SPOCK2: variants seen among roughly 807,000 people sequenced by gnomAD.
The protein encoded by SPOCK2 is SPARC (osteonectin), cwcv and kazal like domains proteoglycan 2, also known as testican-2.
In SPOCK2, 39 loss-of-function variants were observed where a neutral mutation model predicts 60.1. The ratio of observed to expected loss-of-function variants is 0.65; its 90% confidence interval spans 0.50 to 0.85. The LOEUF (loss-of-function observed/expected upper bound fraction) is 0.85. Ranked by LOEUF, SPOCK2 falls within the 40% of genes least tolerant of loss-of-function variation. The probability of loss-of-function intolerance (pLI) is 0.00; values close to 1 mark genes in which losing one functional copy is unlikely to be tolerated. For synonymous variants in SPOCK2, 217 were observed against 231.5 expected (o/e 0.94, Z 0.57); for missense variants, 523 against 567.4 (o/e 0.92, Z 0.80).
intron 1 of SPOCK2, among the ~76,000 whole-genome samples, chr10:72,083,459 G>A (rs1166308587): frequency 1.3e-5 from 2 of 152,248 alleles, no homozygotes; most frequent in African/African-American, 2.4e-5. Flanking sequence ...CTGGGAAGAT[G>A]AGCAGAGCAC....
intron 1 of SPOCK2, among the ~76,000 whole-genome samples, chr10:72,073,620 G>C (rs904250087): frequency 6.6e-6 from 1 of 152,218 alleles, no homozygotes; most frequent in Non-Finnish European, 1.5e-5. Context: ...ACCTGACCCA[G>C]GTCCTCCCGT....
chr10:72,084,204 G>A (rs75386229), intron 1 of SPOCK2, among the ~76,000 whole-genome samples: 3,245 of 152,330 alleles, frequency 0.021, 150 homozygotes, highest in African/African-American at 0.075. Flanking sequence ...TAGAAATGAG[G>A]ACCCATCTGG....
At chr10:72,066,680 G>T (rs76448813) in intron 8 of SPOCK2, among the ~76,000 whole-genome samples, 1 of 152,032 alleles carries the variant, frequency 6.6e-6, no homozygotes, top group Non-Finnish European at 1.5e-5. Flanking sequence ...ACAAAATCTG[G>T]ATCCGCCTGG....
At chr10:72,072,280 A>G in intron 3 of SPOCK2, 22 bp from the exon 4 acceptor site, 1 of 1,501,360 alleles carries the variant, frequency 6.7e-7, no homozygotes, top group Non-Finnish European at 8.9e-7. Context: ...CAGAGTCAGG[A>G]CACAGGTCAC....
intron 8 of SPOCK2, among the ~76,000 whole-genome samples, chr10:72,066,245 T>A (rs1840566088): frequency 6.6e-6 from 1 of 152,116 alleles, no homozygotes; most frequent in African/African-American, 2.4e-5. Context: ...AGCAAATGCA[T>A]CTTCACCTCT....
In SPOCK2 at chr10:72,060,764, TGCGG is replaced by T. The variant is rs771472171; in HGVS notation, c.*1992_*1995del. 15 of 152,588 alleles carry T rather than the reference TGCGG, an allele frequency of 9.8e-5. No individual in the cohort carries two copies. Among genetic ancestry groups the T allele is most frequent in the Non-Finnish European group, 2.1e-4 (14 of 68,102 alleles). 9.5% of individuals were successfully genotyped at this position (152,588 alleles called of 1,614,324 possible). ...GACACCTCAACAATCAGAACTGGGC[TGCGG>T]AATGGGAAGCAGTTTATGGAGTTAA... On this transcript the variant is annotated 3_prime_UTR_variant, in exon 11 of 11. Coordinates refer to ENST00000373109, the MANE Select transcript of SPOCK2 (RefSeq NM_001244950.2).
At chr10:72,066,878 G>A (rs761697259) in intron 8 of SPOCK2, 24 bp downstream of exon 8, 4 of 1,613,314 alleles carry the variant, frequency 2.5e-6, no homozygotes, top group South Asian at 2.2e-5. Flanking sequence ...TGAGGCAGGG[G>A]CCTGGGAGGG....
At chr10:72,072,679 C>A in intron 2 of SPOCK2, 131 bp from the exon 3 acceptor site, 1 of 1,411,996 alleles carries the variant, frequency 7.1e-7, no homozygotes, top group South Asian at 1.2e-5. Context: ...GGTGGCTGAC[C>A]CCTGTCCACC....
Position 72,088,226 on chromosome 10 carries a change from G to C in SPOCK2, c.103C>G (p.Pro35Ala), listed in dbSNP as rs138553482. The change falls in exon 1 of 11, where the codon CCC (proline) becomes GCC (alanine). Residue 35 changes from proline to alanine, a missense_variant. By Grantham distance (27) the Pro-to-Ala change is conservative. Coordinates refer to ENST00000373109, the MANE Select transcript of SPOCK2 (RefSeq NM_001244950.2). The part of the protein sequence containing the change: ...DAKGLKEGET[P>A]GNFMEDEQWL... ...TGCTCGTCCTCCATGAAATTGCCGGGGGTCTCGCCCTCCTTGAGCCCCTTG... is the reference window on the plus strand; with the variant it reads ...TGCTCGTCCTCCATGAAATTGCCGGCGGTCTCGCCCTCCTTGAGCCCCTTG... 1.9e-6 allele frequency: 3 copies of C among 1,612,358 alleles called. No homozygotes were observed. The African/African-American group carries it at 4.0e-5, about 22-fold the overall frequency.
At chr10:72,065,677 A>G (rs1285927264) in intron 8 of SPOCK2, among the ~76,000 whole-genome samples, 2 of 152,242 alleles carry the variant, frequency 1.3e-5, no homozygotes, top group Non-Finnish European at 2.9e-5. Flanking sequence ...CTCCTGCCCA[A>G]GAAAGTACAG....
In SPOCK2 at chr10:72,063,062, C is replaced by T. The variant is rs368125228; in HGVS notation, c.1092G>A (p.Glu364=). The T allele has an allele frequency of 1.0e-3, 1,568 of 1,553,700 alleles. 19 individuals carry two copies. The Middle Eastern group carries it at 0.018, about 17-fold the overall frequency. The change falls in exon 10 of 11, where the codon GAG becomes GAA. Residue 364 remains glutamate, a synonymous_variant. Coordinates refer to ENST00000373109, the MANE Select transcript of SPOCK2 (RefSeq NM_001244950.2). Reference sequence around the variant, plus strand: ...TCCCATGCGTGCGCGTGCCAGTCAGCTCCAGGCCCAGCTGGTCCACACACC... The same window carrying T: ...TCCCATGCGTGCGCGTGCCAGTCAGTTCCAGGCCCAGCTGGTCCACACACC... ...DCWCVDQLGL[E]LTGTRTHGSP...
At chr10:72,080,181 A>C (rs1422403018) in intron 1 of SPOCK2, among the ~76,000 whole-genome samples, 1 of 152,206 alleles carries the variant, frequency 6.6e-6, no homozygotes, top group African/African-American at 2.4e-5. Context: ...ACACAGCCAG[A>C]GGCACAGCGA....
intron 3 of SPOCK2, 32 bp downstream of exon 3, chr10:72,072,471 G>A (rs767567674): frequency 6.2e-7 from 1 of 1,613,636 alleles, no homozygotes; most frequent in Non-Finnish European, 8.5e-7. Context: ...ACACGTGTCA[G>A]TCACCTTCCC....
chr10:72,082,607 A>G (rs1779995426), intron 1 of SPOCK2, among the ~76,000 whole-genome samples: 2 of 151,960 alleles, frequency 1.3e-5, no homozygotes, highest in Non-Finnish European at 2.9e-5. Context: ...TAATCCTAGC[A>G]CTTTGGGAGG....
rs761111692 is a variant in SPOCK2, at chr10:72,068,303, TGC to T, written c.475-4_475-3del. On this transcript the variant is annotated splice_polypyrimidine_tract_variant and splice_region_variant and intron_variant, in intron 5 of 10. Coordinates refer to ENST00000373109, the MANE Select transcript of SPOCK2 (RefSeq NM_001244950.2). ...GCACGCCTGTTGCTCCAGCTTACAC[TGC>T]ACATGGGGAAAGGTGGAACAGGGGA... is the stretch of plus-strand genomic sequence containing the variant. The T allele has an allele frequency of 2.5e-6, 4 of 1,606,310 alleles. No homozygotes were observed. The highest frequency in any genetic ancestry group is 3.4e-6 in the Non-Finnish European group (4 of 1,176,012).
intron 1 of SPOCK2, among the ~76,000 whole-genome samples, chr10:72,080,599 T>C (rs1245556): frequency 0.61 from 91,823 of 150,302 alleles, 29,742 homozygotes; most frequent in African/African-American, 0.85. Flanking sequence ...AGTGTCCCTG[T>C]GAGGGGGTGG....
chr10:72,084,255 A>C (rs1453188935), intron 1 of SPOCK2, among the ~76,000 whole-genome samples: 3 of 152,194 alleles, frequency 2.0e-5, no homozygotes, highest in Non-Finnish European at 4.4e-5. Context: ...CTGCCCTGGA[A>C]GCCCTCCAGC....
intron 1 of SPOCK2, among the ~76,000 whole-genome samples, chr10:72,081,440 T>C (rs537038577): frequency 2.0e-4 from 31 of 152,324 alleles, no homozygotes; most frequent in African/African-American, 7.5e-4. Flanking sequence ...TGGCAGGTGT[T>C]GGGGAAGACA....
At chr10:72,084,192 C>T (rs1840824715) in intron 1 of SPOCK2, among the ~76,000 whole-genome samples, 3 of 152,174 alleles carry the variant, frequency 2.0e-5, no homozygotes, top group Admixed American at 2.0e-4. Flanking sequence ...GTGGGCCAGC[C>T]CTAGAAATGA....
Sources: allele counts gnomAD v4.1 joint callset (sites outside exome capture counted in the v4.1 genomes callset), GRCh38; gene constraint gnomAD v4.1.1; transcripts MANE v1.5; gene names NCBI Gene and HGNC (gene_info 2026-07-23, HGNC 2026-07-21).